Variants in PALM2AKAP2 observed in about 807,000 individuals in gnomAD.
PALM2AKAP2 encodes the protein PALM2-AKAP2 fusion protein.
In PALM2AKAP2, 37 loss-of-function variants were observed where a neutral mutation model predicts 71.5. The ratio of observed to expected loss-of-function variants is 0.52; its 90% CI spans 0.40 to 0.68. PALM2AKAP2 has a LOEUF of 0.68. PALM2AKAP2 is among the 30% of genes least tolerant of loss of function. The probability of loss-of-function intolerance (pLI) is 0.00; values close to 1 mark genes in which losing one functional copy is unlikely to be tolerated. For synonymous variants in PALM2AKAP2, 468 were observed against 478.8 expected, an observed-to-expected ratio of 0.98 and a Z score of 0.29; for missense variants, 1,224 against 1,191.8, an observed-to-expected ratio of 1.03 and a Z score of -0.40.
intron 3 of PALM2AKAP2, among the ~76,000 whole-genome samples, chr9:109,907,926 A>G (rs1483804154): frequency 1.3e-5 from 2 of 152,172 alleles, no homozygotes; most frequent in East Asian, 3.8e-4. Context: ...AGGTACAATT[A>G]AGTCGTCATC....
chr9:109,892,018 AT>A (rs1207671944), intron 3 of PALM2AKAP2, among the ~76,000 whole-genome samples: 8 of 152,272 alleles, frequency 5.3e-5, no homozygotes, highest in African/African-American at 1.9e-4. Context: ...ACTCCTTAAG[AT>A]TACATCTCTC....
chr9:110,058,020 A>G (rs1191672474), intron 1 of PALM2AKAP2, among the ~76,000 whole-genome samples: 1 of 152,188 alleles, frequency 6.6e-6, no homozygotes, highest in Non-Finnish European at 1.5e-5. Flanking sequence ...GAGACCAGGG[A>G]TGCAGCTAAA....
intron 1 of PALM2AKAP2, among the ~76,000 whole-genome samples, chr9:109,648,286 G>A (rs1270471581): frequency 2.0e-5 from 3 of 152,104 alleles, no homozygotes; most frequent in African/African-American, 7.2e-5. Flanking sequence ...GTGTGAAAAT[G>A]GACTAATACT....
intron 3 of PALM2AKAP2, among the ~76,000 whole-genome samples, chr9:109,889,736 C>T (rs769467622): frequency 1.3e-5 from 2 of 152,170 alleles, no homozygotes; most frequent in African/African-American, 4.8e-5. Context: ...CATCGTGCCT[C>T]GCTCAGGTTT....
chr9:110,057,611 C>G (rs562738177), intron 1 of PALM2AKAP2, among the ~76,000 whole-genome samples: 83 of 152,080 alleles, frequency 5.5e-4, no homozygotes, highest in African/African-American at 1.9e-3. Flanking sequence ...ATCTCCTGAC[C>G]TCATGATCCG....
At chr9:109,793,249 G>A (rs1180563478) in intron 1 of PALM2AKAP2, among the ~76,000 whole-genome samples, 2 of 152,204 alleles carry the variant, frequency 1.3e-5, no homozygotes, top group Non-Finnish European at 2.9e-5. Context: ...GAGGACAACT[G>A]GATTTCAGAA....
At chr9:110,101,761 G>A (rs1191843769) in intron 1 of PALM2AKAP2, among the ~76,000 whole-genome samples, 5 of 152,234 alleles carry the variant, frequency 3.3e-5, no homozygotes, top group African/African-American at 4.8e-5. Context: ...TCAAATGTAA[G>A]TAAGGGAATT....
intron 6 of PALM2AKAP2, among the ~76,000 whole-genome samples, chr9:109,956,793 A>G (rs775278781): frequency 3.3e-5 from 5 of 152,204 alleles, no homozygotes; most frequent in Non-Finnish European, 5.9e-5. Context: ...TGGGAGTGAA[A>G]GAGAATCAAG....
intron 2 of PALM2AKAP2, among the ~76,000 whole-genome samples, chr9:110,143,193 A>T (rs1319545945): frequency 6.6e-6 from 1 of 151,680 alleles, no homozygotes; most frequent in Non-Finnish European, 1.5e-5. Flanking sequence ...AGGTGGAGGC[A>T]AGAGGATTGC....
At chr9:109,645,298 A>G (rs1827134259) in intron 1 of PALM2AKAP2, among the ~76,000 whole-genome samples, 1 of 152,154 alleles carries the variant, frequency 6.6e-6, no homozygotes, top group Non-Finnish European at 1.5e-5. Context: ...ACCAGATCTC[A>G]TGAGACCCAT....
At chr9:110,052,148 C>T (rs537741032) in intron 1 of PALM2AKAP2, among the ~76,000 whole-genome samples, 3 of 152,222 alleles carry the variant, frequency 2.0e-5, no homozygotes, top group Admixed American at 1.3e-4. Context: ...GTGATCTGCC[C>T]GCCTCGGCCT....
intron 1 of PALM2AKAP2, among the ~76,000 whole-genome samples, chr9:109,668,515 AATC>A: frequency 6.6e-6 from 1 of 152,234 alleles, no homozygotes. Flanking sequence ...GCTGAAGCTT[AATC>A]ATATGTATTG....
chr9:109,898,222 T>C (rs551704819), intron 3 of PALM2AKAP2, among the ~76,000 whole-genome samples: 1 of 152,312 alleles, frequency 6.6e-6, no homozygotes, highest in South Asian at 2.1e-4. Context: ...CTTGCAACAG[T>C]TGTACTCTGC....
At chr9:110,107,597 C>T (rs1475193075) in intron 1 of PALM2AKAP2, among the ~76,000 whole-genome samples, 1 of 152,116 alleles carries the variant, frequency 6.6e-6, no homozygotes, top group Non-Finnish European at 1.5e-5. Flanking sequence ...GACAGTGTCT[C>T]ACTCTGTTGC....
At chr9:110,163,370 A>G (rs1836651477) in intron 3 of PALM2AKAP2, among the ~76,000 whole-genome samples, 1 of 152,218 alleles carries the variant, frequency 6.6e-6, no homozygotes. Context: ...TAATAAAATA[A>G]TAAAACCCAC....
intron 1 of PALM2AKAP2, among the ~76,000 whole-genome samples, chr9:109,757,975 A>ACC (rs1373194698): frequency 1.3e-5 from 2 of 151,744 alleles, no homozygotes; most frequent in Admixed American, 1.3e-4. Flanking sequence ...ACCCATCCTA[A>ACC]CCCCCTCCCA....
exon 2 of PALM2AKAP2, chr9:110,136,157 T>C: frequency 6.3e-7 from 1 of 1,597,284 alleles, no homozygotes; most frequent in Non-Finnish European, 8.5e-7. Context: ...GGATGATATC[T>C]GGCTAAAAAG....
At chr9:110,014,517 A>T (rs1832937946) in intron 6 of PALM2AKAP2, among the ~76,000 whole-genome samples, 1 of 151,948 alleles carries the variant, frequency 6.6e-6, no homozygotes, top group South Asian at 2.1e-4. Context: ...TCACTCCTGT[A>T]ATCCCAGCAC....
At chr9:109,953,983 G>A (rs1327060141) in intron 6 of PALM2AKAP2, among the ~76,000 whole-genome samples, 1 of 152,106 alleles carries the variant, frequency 6.6e-6, no homozygotes, top group African/African-American at 2.4e-5. Context: ...TCAAGCAAAT[G>A]CTCTGTTAAT....
Sources: allele counts gnomAD v4.1 joint callset (sites outside exome capture counted in the v4.1 genomes callset), GRCh38; gene constraint gnomAD v4.1.1; transcripts MANE v1.5; gene names NCBI Gene and HGNC (gene_info 2026-07-23, HGNC 2026-07-21).